The following ADAD1 variants were observed in gnomAD, a reference collection of about 807,000 sequenced individuals.
ADAD1 encodes the protein adenosine deaminase domain containing 1.
A neutral mutation model predicts 66.8 loss-of-function variants in ADAD1; 46 were observed. The ratio of observed to expected loss-of-function variants is 0.69; its 90% CI spans 0.54 to 0.88. ADAD1 has a LOEUF of 0.88. ADAD1 is among the 40% of genes least tolerant of loss of function. The pLI is 0.00. For synonymous variants in ADAD1, 248 were observed against 229.4 expected (o/e 1.08, Z -0.73); for missense variants, 617 against 681.8 (o/e 0.91, Z 1.06).
At chr4:122,426,729 A>T (rs992947838) in intron 12 of ADAD1, among the ~76,000 whole-genome samples, 6 of 152,222 alleles carry the variant, frequency 3.9e-5, no homozygotes, top group African/African-American at 1.4e-4. Flanking sequence ...CAAGTTTAAA[A>T]TTTGTATAAT....
chr4:122,379,524 T>A (rs1794769565), intron 2 of ADAD1, 79 bp downstream of exon 2: 1 of 152,482 alleles, frequency 6.6e-6, no homozygotes, highest in Admixed American at 6.5e-5. Flanking sequence ...TTTTGAAAGA[T>A]GCGGCCCTGA....
At chr4:122,403,626 C>G (rs1432358470) in intron 7 of ADAD1, among the ~76,000 whole-genome samples, 2 of 152,044 alleles carry the variant, frequency 1.3e-5, no homozygotes, top group East Asian at 3.9e-4. Flanking sequence ...GGCCTCCAGT[C>G]AGGAGGTGGC....
intron 4 of ADAD1, among the ~76,000 whole-genome samples, chr4:122,383,155 T>A (rs986820091): frequency 6.6e-6 from 1 of 152,156 alleles, no homozygotes; most frequent in Non-Finnish European, 1.5e-5. Context: ...GTAAATAAAT[T>A]GTGATGACTG....
intron 6 of ADAD1, among the ~76,000 whole-genome samples, chr4:122,395,965 T>C (rs922703588): frequency 6.6e-6 from 1 of 152,252 alleles, no homozygotes; most frequent in Admixed American, 6.5e-5. Context: ...TCTTGTGTCC[T>C]GTATGACTTT....
chr4:122,429,436 AAGG>A (rs746712319), intron 12 of ADAD1, among the ~76,000 whole-genome samples, 187 bp from the exon 13 acceptor site: 4 of 152,130 alleles, frequency 2.6e-5, no homozygotes, highest in African/African-American at 7.2e-5. Context: ...AAAAAAAAAA[AAGG>A]AGAATAATTG....
In ADAD1 at chr4:122,395,343, G is replaced by A. The variant is rs112792260; in HGVS notation, c.599-909G>A. Among the ~76,000 whole-genome samples, 709 of 151,956 alleles carry A rather than the reference G, an allele frequency of 4.7e-3. 4 individuals carry two copies. The highest frequency in any genetic ancestry group is 0.015 in the African/African-American group (621 of 41,484). On this transcript the variant is annotated intron_variant, in intron 6 of 12. Transcript: ENST00000296513. Reference sequence around the variant, plus strand: ...TGGGATTACAGGTGTAAGCCACCGCGCCCAGCCTACTTTGCTATATGTTTC... The same window carrying A: ...TGGGATTACAGGTGTAAGCCACCGCACCCAGCCTACTTTGCTATATGTTTC...
intron 7 of ADAD1, among the ~76,000 whole-genome samples, chr4:122,400,291 TATGTGGTGTATCACATTTATC>T (rs1795912821): frequency 6.6e-6 from 1 of 152,156 alleles, no homozygotes; most frequent in African/African-American, 2.4e-5. Flanking sequence ...TAATTCTGTT[TATGTGGTGTATCACATTTATC>T]ACCTTGCATA....
chr4:122,399,356 A>G (rs1795864236), intron 7 of ADAD1, among the ~76,000 whole-genome samples: 1 of 151,888 alleles, frequency 6.6e-6, no homozygotes, highest in Non-Finnish European at 1.5e-5. Context: ...TTGTATACCA[A>G]TACCAATACC....
chr4:122,381,276 G>C (rs1260169867), intron 4 of ADAD1, 96 bp downstream of exon 4: 9 of 1,195,182 alleles, frequency 7.5e-6, no homozygotes, highest in Non-Finnish European at 1.0e-5. Flanking sequence ...TTGGAGTTAG[G>C]TAACTGATTG....
At chr4:122,390,376 C>G (rs563713613) in intron 5 of ADAD1, among the ~76,000 whole-genome samples, 3 of 152,132 alleles carry the variant, frequency 2.0e-5, no homozygotes, top group African/African-American at 7.2e-5. Context: ...ATGGTGTTCT[C>G]TGTATTTCCT....
chr4:122,399,179 T>A (rs554115664), intron 7 of ADAD1, among the ~76,000 whole-genome samples: 2 of 152,312 alleles, frequency 1.3e-5, no homozygotes, highest in South Asian at 4.1e-4. Flanking sequence ...GTTTTATTGT[T>A]ATACATGTGG....
intron 9 of ADAD1, 114 bp downstream of exon 9, chr4:122,411,506 C>A: frequency 9.1e-7 from 1 of 1,095,310 alleles, no homozygotes; most frequent in Non-Finnish European, 1.3e-6. Context: ...TTCTCTTCAG[C>A]TTTGAGTTGT....
At chr4:122,418,306 C>CTTT (rs10527795) in intron 11 of ADAD1, among the ~76,000 whole-genome samples, 7 of 94,646 alleles carry the variant, frequency 7.4e-5, no homozygotes, top group Admixed American at 1.4e-4. Context: ...ACGTTATTTT[C>CTTT]TTTTTTTTTT....
intron 8 of ADAD1, among the ~76,000 whole-genome samples, chr4:122,410,742 T>C (rs1314503467): frequency 1.3e-5 from 2 of 152,242 alleles, no homozygotes; most frequent in African/African-American, 4.8e-5. Flanking sequence ...GTGTTCATTG[T>C]ATTGTTCCTA....
At chr4:122,411,159 T>A (rs1052660144) in intron 8 of ADAD1, 63 bp from the exon 9 acceptor site, 96 of 1,301,478 alleles carry the variant, frequency 7.4e-5, no homozygotes, top group Non-Finnish European at 8.8e-5. Flanking sequence ...GTGGACATGA[T>A]GCTCATTAAG....
At chr4:122,394,120 T>C (rs563261431) in intron 6 of ADAD1, among the ~76,000 whole-genome samples, 33 of 152,222 alleles carry the variant, frequency 2.2e-4, no homozygotes, top group Non-Finnish European at 4.4e-4. Context: ...TGTACCTTTT[T>C]TACTCATCTA....
chr4:122,384,862 A>G (rs1317452319), intron 5 of ADAD1, among the ~76,000 whole-genome samples: 1 of 152,194 alleles, frequency 6.6e-6, no homozygotes, highest in South Asian at 2.1e-4. Context: ...CTAAGGCAGC[A>G]TTTACCCATG....
At chr4:122,388,717 C>A (rs1019559007) in intron 5 of ADAD1, among the ~76,000 whole-genome samples, 2 of 151,922 alleles carry the variant, frequency 1.3e-5, no homozygotes, top group Non-Finnish European at 2.9e-5. Flanking sequence ...TGGTGATATC[C>A]CCTTTATCAT....
At chr4:122,403,692 A>G (rs568404045) in intron 7 of ADAD1, among the ~76,000 whole-genome samples, 3 of 152,090 alleles carry the variant, frequency 2.0e-5, no homozygotes, top group Non-Finnish European at 4.4e-5. Flanking sequence ...AGCTTGCCCT[A>G]CCTTAGCCAG....
Sources: gnomAD v4.1 joint callset for allele counts (sites outside exome capture counted in the v4.1 genomes callset) on GRCh38, gnomAD v4.1.1 for gene constraint, MANE v1.5 for transcripts, NCBI Gene and HGNC (gene_info 2026-07-23, HGNC 2026-07-21) for gene names.